INSYN2A: variants seen among roughly 807,000 people sequenced by gnomAD.
The protein encoded by INSYN2A is inhibitory synaptic factor 2A.
INSYN2A carries 17 observed loss-of-function variants against 39.4 expected under a neutral mutation model. The ratio of observed to expected loss-of-function variants is 0.43; its 90% CI spans 0.30 to 0.65. The LOEUF (loss-of-function observed/expected upper bound fraction) is 0.65, where lower values mean the gene tolerates loss of function less well. Ranked by LOEUF, INSYN2A falls within the 30% of genes least tolerant of loss-of-function variation. The probability of loss-of-function intolerance (pLI) is 0.14; values close to 1 mark genes in which losing one functional copy is unlikely to be tolerated. For synonymous variants in INSYN2A, 255 were observed against 265.7 expected, an observed-to-expected ratio of 0.96 and a Z score of 0.39; for missense variants, 595 against 631.2, an observed-to-expected ratio of 0.94 and a Z score of 0.61.
intron 5 of INSYN2A, among the ~76,000 whole-genome samples, chr10:127,150,364 C>A (rs1270344465): frequency 1.3e-5 from 1 of 75,578 alleles, no homozygotes; most frequent in East Asian, 4.3e-4. Context: ...CTCAGTGGGA[C>A]CCTGAGGGAA....
At chr10:127,161,591 C>G (rs2053598594) in intron 4 of INSYN2A, among the ~76,000 whole-genome samples, 1 of 152,230 alleles carries the variant, frequency 6.6e-6, no homozygotes, top group African/African-American at 2.4e-5. Flanking sequence ...CTGTTCTCCC[C>G]TGCTTTTGGG....
intron 2 of INSYN2A, among the ~76,000 whole-genome samples, chr10:127,183,247 G>C (rs1001762734): frequency 2.6e-5 from 4 of 152,012 alleles, no homozygotes; most frequent in African/African-American, 9.7e-5. Context: ...GACAATCAGG[G>C]CAGGATATCT....
At chr10:127,153,243 TC>T (rs796077392) in intron 5 of INSYN2A, among the ~76,000 whole-genome samples, 1 of 152,350 alleles carries the variant, frequency 6.6e-6, no homozygotes, top group African/African-American at 2.4e-5. Flanking sequence ...TATCTTAAAA[TC>T]CTAAATTACT....
Position 127,175,860 on chromosome 10 carries a change from T to C in INSYN2A, c.536A>G (p.Gln179Arg). ...KTTALVFHSN[Q>R]HMNTVDQPLG... ...AGGCTGGTCCACTGTGTTCATGTGTTGGTTGGAATGGAAAACCAAGGCTGT... is the reference window on the plus strand; with the variant it reads ...AGGCTGGTCCACTGTGTTCATGTGTCGGTTGGAATGGAAAACCAAGGCTGT... Residue 179 changes from glutamine to arginine, a missense_variant, in exon 4 of 6, where the codon CAA becomes CGA. Transcript: ENST00000522781. This position sits in a 1 kb window ranked among gnomAD's most constrained non-coding sequence, Gnocchi z 6.3. 6.2e-7 allele frequency: 1 copy of C among 1,614,142 alleles called. No individual in the cohort carries two copies. Among genetic ancestry groups the C allele is most frequent in the Non-Finnish European group, 8.5e-7 (1 of 1,180,016 alleles).
rs2050753522 is a variant in INSYN2A, at chr10:127,136,942, A to C, written c.*895T>G. The C allele has an allele frequency of 6.6e-6, 1 of 152,664 alleles. No individual in the cohort carries two copies. The highest frequency in any genetic ancestry group is 2.1e-4 in the South Asian group (1 of 4,834). 9.5% of individuals were successfully genotyped at this position (152,664 alleles called of 1,614,324 possible). ...ACAAAAACACTGTCTGCCATGGCAC[A>C]GAATGCCTGTGATTTATTGGTGGGT... On this transcript the variant is annotated 3_prime_UTR_variant, in exon 6 of 6. Transcript: ENST00000522781.
At chr10:127,161,588 C>T (rs2053598321) in intron 4 of INSYN2A, among the ~76,000 whole-genome samples, 1 of 152,216 alleles carries the variant, frequency 6.6e-6, no homozygotes, top group Non-Finnish European at 1.5e-5. Context: ...CCTCTGTTCT[C>T]CCCTGCTTTT....
chr10:127,147,329 C>G (rs1020468807), intron 5 of INSYN2A, among the ~76,000 whole-genome samples: 1 of 152,150 alleles, frequency 6.6e-6, no homozygotes, highest in Non-Finnish European at 1.5e-5. Context: ...CCAGTTGTTC[C>G]TAACGCCGTA....
At chr10:127,182,399 C>A (rs1338659157) in intron 2 of INSYN2A, among the ~76,000 whole-genome samples, 2 of 152,138 alleles carry the variant, frequency 1.3e-5, no homozygotes, top group African/African-American at 4.8e-5. Flanking sequence ...CAAAGGAGGG[C>A]AAGCATGCAT....
At chr10:127,186,854 AACAG>A (rs2056321941) in intron 2 of INSYN2A, among the ~76,000 whole-genome samples, 1 of 152,014 alleles carries the variant, frequency 6.6e-6, no homozygotes, top group African/African-American at 2.4e-5. Flanking sequence ...TGCACAGACA[AACAG>A]ACACATGCAC....
chr10:127,170,597 C>G (rs1157060095), intron 4 of INSYN2A, among the ~76,000 whole-genome samples: 1 of 152,190 alleles, frequency 6.6e-6, no homozygotes, highest in Non-Finnish European at 1.5e-5. Flanking sequence ...GGTTGCCACA[C>G]TGTAGTTGCT....
rs751919597 is a variant in INSYN2A, at chr10:127,176,333, G to T, written c.63C>A (p.Ala21=). ...LTTSESEVEP[A]ACLALEMKYA... is the part of the protein sequence containing the mutation. ...ATTTCATCTCCAGGGCCAGGCAGGC[G>T]GCGGGTTCCACTTCACTCTCCGACG... The change falls in exon 4 of 6, where the codon GCC becomes GCA. Residue 21 remains alanine (A), a synonymous_variant. Transcript: ENST00000522781. The surrounding 1 kb of genome is among the most constrained non-coding windows in gnomAD (Gnocchi z 4.4). 3.1e-6 allele frequency: 5 copies of T among 1,613,890 alleles called. No homozygotes were observed. The highest frequency in any genetic ancestry group is 4.2e-6 in the Non-Finnish European group (5 of 1,179,984).
rs2052758542 is a variant in INSYN2A, at chr10:127,153,872, G to A, written c.1236C>T (p.Asn412=). ...QDTANCDTCR[N]SACIIYSVEL... ...CATACCTATAGATAATACATGCACT[G>A]TTCCTGCATGTGTCACAATTAGCTG... Residue 412 remains asparagine (N), a synonymous_variant, in exon 5 of 6, where the codon AAC becomes AAT. Transcript: ENST00000522781. 1 of 1,612,340 alleles carries A rather than the reference G, an allele frequency of 6.2e-7. No individual in the cohort carries two copies. Among genetic ancestry groups the A allele is most frequent in the South Asian group, 1.1e-5 (1 of 91,056 alleles).
chr10:127,150,898 T>G (rs1253814113), intron 5 of INSYN2A, among the ~76,000 whole-genome samples: 1 of 152,182 alleles, frequency 6.6e-6, no homozygotes, highest in African/African-American at 2.4e-5. Flanking sequence ...GAAACTGTAG[T>G]GGGGGTGCCA....
intron 4 of INSYN2A, among the ~76,000 whole-genome samples, chr10:127,171,410 A>G (rs1465075200): frequency 1.3e-5 from 2 of 152,234 alleles, no homozygotes; most frequent in African/African-American, 4.8e-5. Context: ...GCGGGATTCA[A>G]AGAATACTGG....
intron 4 of INSYN2A, among the ~76,000 whole-genome samples, chr10:127,165,304 C>A (rs1305519195): frequency 2.0e-5 from 3 of 152,124 alleles, no homozygotes; most frequent in Admixed American, 2.0e-4. Context: ...TGCTTTGTTT[C>A]AAAAGCCTGA....
At chr10:127,187,728 GAGAAAGAA>G (rs199545105) in intron 2 of INSYN2A, among the ~76,000 whole-genome samples, 2 of 119,316 alleles carry the variant, frequency 1.7e-5, no homozygotes, top group African/African-American at 5.5e-5. Context: ...AGAAGAAAGA[GAGAAAGAA>G]AGAAAGAAAG....
chr10:127,155,060 AG>A (rs1395506147), intron 4 of INSYN2A, among the ~76,000 whole-genome samples: 18 of 152,142 alleles, frequency 1.2e-4, no homozygotes, highest in Admixed American at 1.2e-3. Flanking sequence ...GCAGGAGAAA[AG>A]CTCCCATCTG....
intron 4 of INSYN2A, among the ~76,000 whole-genome samples, chr10:127,160,137 G>GA (rs200473636): frequency 0.16 from 21,089 of 128,340 alleles, 1,731 homozygotes; most frequent in African/African-American, 0.25. Flanking sequence ...GGTCAGGAAA[G>GA]AAAAAAAAAA....
At chr10:127,142,108 G>A (rs1447118298) in intron 5 of INSYN2A, among the ~76,000 whole-genome samples, 1 of 152,178 alleles carries the variant, frequency 6.6e-6, no homozygotes, top group Non-Finnish European at 1.5e-5. Flanking sequence ...CTTGCCTGTG[G>A]ACAGCAGGTG....
Sources: gnomAD v4.1 joint callset for allele counts (sites outside exome capture counted in the v4.1 genomes callset) on GRCh38, gnomAD v4.1.1 for gene constraint, Gnocchi (gnomAD v3.1) non-coding constraint, MANE v1.5 for transcripts, NCBI Gene and HGNC (gene_info 2026-07-23, HGNC 2026-07-21) for gene names.